DDB1: variants seen among roughly 807,000 people sequenced by gnomAD.
DDB1 encodes damage specific DNA binding protein 1, also known as DNA damage-binding protein 1.
In DDB1, 18 loss-of-function variants were observed where a neutral mutation model predicts 133.1. The observed-to-expected ratio is 0.14, with a 90% CI of 0.09 to 0.20. The LOEUF (loss-of-function observed/expected upper bound fraction) is 0.20, where lower values mean the gene tolerates loss of function less well. Among genes scored for constraint, DDB1 ranks in the 10% least tolerant of loss-of-function variants. DDB1 has a pLI of 1.00. For missense variants in DDB1, 828 were observed against 1,459.2 expected, an observed-to-expected ratio of 0.57 and a Z score of 7.05; for synonymous variants, 580 against 550.5, an observed-to-expected ratio of 1.05 and a Z score of -0.75.
chr11:61,327,119 C>G (rs562955679), intron 4 of DDB1, among the ~76,000 whole-genome samples: 93 of 152,188 alleles, frequency 6.1e-4, no homozygotes, highest in Middle Eastern at 3.4e-3. Context: ...TTCAACCAAC[C>G]AAGAAAGGTT....
chr11:61,308,417 T>C (rs1565239949), intron 21 of DDB1, among the ~76,000 whole-genome samples: 1 of 152,234 alleles, frequency 6.6e-6, no homozygotes, highest in Non-Finnish European at 1.5e-5. Flanking sequence ...CCTCCAGTCC[T>C]GCACCCCTTT....
At chr11:61,310,269 A>C (rs780314376) in intron 19 of DDB1, 26 bp downstream of exon 19, 67 of 1,595,908 alleles carry the variant, frequency 4.2e-5, no homozygotes, top group Non-Finnish European at 5.5e-5. Flanking sequence ...GCGTAGATAA[A>C]AATTATCGAA....
Position 61,321,522 on chromosome 11 carries a change from C to T in DDB1, c.1225+73G>A, listed in dbSNP as rs574569154. ...TGCTTTCCTCTGGCTCCCACCAAAA[C>T]GCCTTCACAACATGTAACAAGGCCA... On this transcript the variant is annotated intron_variant, in intron 10 of 26. Transcript: ENST00000301764. 2.7e-5 allele frequency: 38 copies of T among 1,385,862 alleles called. No homozygotes were observed. The African/African-American group carries it at 3.6e-4, about 13-fold the overall frequency. 85.8% of individuals were successfully genotyped at this position (1,385,862 alleles called of 1,614,324 possible).
intron 1 of DDB1, chr11:61,331,978 T>C: frequency 3.2e-6 from 1 of 313,934 alleles, no homozygotes; most frequent in South Asian, 5.5e-5. Flanking sequence ...CTCATGCCTC[T>C]TGCCCCTCCA....
chr11:61,316,669 C>T, intron 10 of DDB1, 102 bp from the exon 11 acceptor site: 6 of 1,255,328 alleles, frequency 4.8e-6, no homozygotes, highest in Non-Finnish European at 7.0e-6. Flanking sequence ...TGCCTATAAT[C>T]TCAACACTTG....
Position 61,309,068 on chromosome 11 carries a change from T to G in DDB1, c.2576A>C (p.Gln859Pro). 6.2e-7 allele frequency: 1 copy of G among 1,614,172 alleles called. No individual in the cohort carries two copies. Among genetic ancestry groups the G allele is most frequent in the Non-Finnish European group, 8.5e-7 (1 of 1,180,032 alleles). The change falls in exon 21 of 27, where the codon CAG (glutamine) becomes CCG (proline). Residue 859 changes from glutamine (Q) to proline (P), a missense_variant. Physicochemically the swap from Gln to Pro is moderately conservative, Grantham distance 76. Coordinates refer to ENST00000301764, the MANE Select transcript of DDB1 (RefSeq NM_001923.5). The part of the protein sequence containing the change: ...VVFQYSDGKL[Q>P]TVAEKEVKGA... ...TTTCACTTCCTTTTCAGCCACAGTC[T>G]GTAGTTTTCCTGGGGGTGGAAAAAA...
intron 21 of DDB1, among the ~76,000 whole-genome samples, chr11:61,304,743 T>C (rs1855857431): frequency 6.6e-6 from 1 of 151,478 alleles, no homozygotes; most frequent in African/African-American, 2.4e-5. Flanking sequence ...CCAAGCGTGG[T>C]GGCGGGCACC....
At chr11:61,324,656 A>T (rs1271288961) in intron 6 of DDB1, among the ~76,000 whole-genome samples, 4 of 152,166 alleles carry the variant, frequency 2.6e-5, no homozygotes, top group African/African-American at 9.6e-5. Context: ...AGTGGCTAGT[A>T]CTACAGGAAC....
Position 61,311,775 on chromosome 11 carries a change from T to A in DDB1, c.2277+9A>T. On this transcript the variant is annotated intron_variant, in intron 18 of 26. Coordinates refer to ENST00000301764, the MANE Select transcript of DDB1 (RefSeq NM_001923.5). ...TCTAAGGTCATCTTTCTTTGTCCAC[T>A]GCCCTTACCTGGGTGCTAGCGCTGG... The A allele has an allele frequency of 6.2e-7, 1 of 1,607,642 alleles. No homozygotes were observed. Among genetic ancestry groups the A allele is most frequent in the South Asian group, 1.1e-5 (1 of 90,472 alleles).
intron 21 of DDB1, among the ~76,000 whole-genome samples, chr11:61,307,297 G>A (rs1345059883): frequency 2.6e-5 from 4 of 152,238 alleles, no homozygotes; most frequent in East Asian, 3.9e-4. Flanking sequence ...CCTACTCTCC[G>A]CTGAGGCGAC....
At chr11:61,323,497 G>A (rs569152524) in intron 7 of DDB1, 16 of 246,278 alleles carry the variant, frequency 6.5e-5, no homozygotes, top group Non-Finnish European at 8.8e-5. Flanking sequence ...CTGCAACATC[G>A]ACCTCCCCGG....
chr11:61,308,382 C>G (rs1472012194), intron 21 of DDB1, among the ~76,000 whole-genome samples: 1 of 152,204 alleles, frequency 6.6e-6, no homozygotes, highest in African/African-American at 2.4e-5. Flanking sequence ...CAGCAAACCC[C>G]ACTTCCCACA....
At chr11:61,325,983 A>T in intron 5 of DDB1, 1 of 507,304 alleles carries the variant, frequency 2.0e-6, no homozygotes, top group Non-Finnish European at 3.5e-6. Context: ...TTCCCCATGC[A>T]TTCTCCCCCA....
Position 61,304,047 on chromosome 11 carries a change from A to G in DDB1, c.2662-12T>C. On this transcript the variant is annotated splice_polypyrimidine_tract_variant and intron_variant, in intron 21 of 26. Transcript: ENST00000301764. ...TCATAGAGCCGCACCTGGGAAGGGC[A>G]TTGTCTCTCTCAGCCAAAGGGGCCA... 3.1e-6 allele frequency: 5 copies of G among 1,613,454 alleles called. No homozygotes were observed. The highest frequency in any genetic ancestry group is 4.2e-6 in the Non-Finnish European group (5 of 1,179,934).
Position 61,311,861 on chromosome 11 carries a change from C to G in DDB1, c.2200G>C (p.Gly734Arg). 1 of 1,614,148 alleles carries G rather than the reference C, an allele frequency of 6.2e-7. No homozygotes were observed. The highest frequency in any genetic ancestry group is 8.5e-7 in the Non-Finnish European group (1 of 1,180,030). The change falls in exon 18 of 27, where the codon GGG (glycine) becomes CGG (arginine). Residue 734 changes from glycine (G) to arginine (R), a missense_variant. Transcript: ENST00000301764. ...ICYQEVSQCF[G>R]VLSSRIEVQD... Reference sequence around the variant, plus strand: ...ACTTCAATGCGGCTGGAGAGGACCCCGAAACACTGGGACACTTCCTGGTAG... The same window carrying G: ...ACTTCAATGCGGCTGGAGAGGACCCGGAAACACTGGGACACTTCCTGGTAG...
chr11:61,328,262 G>A (rs896655277), intron 4 of DDB1, among the ~76,000 whole-genome samples: 2 of 152,180 alleles, frequency 1.3e-5, no homozygotes, highest in African/African-American at 2.4e-5. Flanking sequence ...AATAGCTTCA[G>A]AACTACAGTA....
At chr11:61,328,552 T>C (rs539955483) in intron 4 of DDB1, among the ~76,000 whole-genome samples, 1 of 152,180 alleles carries the variant, frequency 6.6e-6, no homozygotes, top group African/African-American at 2.4e-5. Flanking sequence ...TCTGCTACAG[T>C]TTTAGGCAGA....
Position 61,329,480 on chromosome 11 carries a change from T to C in DDB1, c.432A>G (p.Pro144=), listed in dbSNP as rs1255264747. 1.2e-6 allele frequency: 2 copies of C among 1,614,016 alleles called. No individual in the cohort carries two copies. Among genetic ancestry groups the C allele is most frequent in the South Asian group, 1.1e-5 (1 of 91,084 alleles). Residue 144 remains proline (P), a synonymous_variant, in exon 4 of 27, where the codon CCA becomes CCG. Coordinates refer to ENST00000301764, the MANE Select transcript of DDB1 (RefSeq NM_001923.5). Reference sequence around the variant, plus strand: ...TGAGTTCTTTATTATCGCGATCTAGTGGAATAACCTTGAAAAGGCCATCAT... The same window carrying C: ...TGAGTTCTTTATTATCGCGATCTAGCGGAATAACCTTGAAAAGGCCATCAT... The part of the protein sequence containing the change: ...RLYDGLFKVI[P]LDRDNKELKA...
Position 61,314,378 on chromosome 11 carries a change from G to C in DDB1, c.1519C>G (p.Gln507Glu). ...NISVASCNSSQVVVAVGRALY... is the reference protein window; with the variant it reads ...NISVASCNSSEVVVAVGRALY... ...GCCCTGCCTACAGCCACCACCACCT[G>C]GCTGCTATTGCAGGAGGCCACACTG... The change falls in exon 13 of 27, where the codon CAG becomes GAG. Residue 507 changes from glutamine to glutamate, a missense_variant. Physicochemically the swap from Gln to Glu is conservative, Grantham distance 29. Around this residue, in one of 7 missense-constraint regions of DDB1, gnomAD observed 396 missense variants for 554.1 expected, o/e 0.71. Transcript: ENST00000301764. 3 of 1,614,230 alleles carry C rather than the reference G, an allele frequency of 1.9e-6. No individual in the cohort carries two copies. The highest frequency in any genetic ancestry group is 2.5e-6 in the Non-Finnish European group (3 of 1,180,034).
Sources: allele counts gnomAD v4.1 joint callset (sites outside exome capture counted in the v4.1 genomes callset), GRCh38; gene constraint gnomAD v4.1.1; regional missense constraint gnomAD v4.1.1; transcripts MANE v1.5; gene names NCBI Gene and HGNC (gene_info 2026-07-23, HGNC 2026-07-21).